The following CCSER2 variants were observed in gnomAD, a reference collection of about 807,000 sequenced individuals.
The protein encoded by CCSER2 is serine-rich coiled-coil domain-containing protein 2.
A neutral mutation model predicts 92.3 loss-of-function variants in CCSER2; 46 were observed. The observed-to-expected ratio is 0.50, with a 90% CI of 0.39 to 0.64. The LOEUF is 0.64. CCSER2 is among the 30% of genes least tolerant of loss of function. CCSER2 has a pLI of 0.00. For synonymous variants in CCSER2, 433 were observed against 431.4 expected (o/e 1.00, Z -0.04); for missense variants, 1,244 against 1,238.9 (o/e 1.00, Z -0.06).
At chr10:84,398,134 CT>C (rs1467896792) in intron 3 of CCSER2, among the ~76,000 whole-genome samples, 1 of 152,172 alleles carries the variant, frequency 6.6e-6, no homozygotes, top group Non-Finnish European at 1.5e-5. Context: ...TTCCTGGAGA[CT>C]CGAGGGAAGA....
At chr10:84,458,530 A>G (rs1845910270) in intron 6 of CCSER2, among the ~76,000 whole-genome samples, 1 of 152,054 alleles carries the variant, frequency 6.6e-6, no homozygotes, top group Non-Finnish European at 1.5e-5. Flanking sequence ...TTTCATGTAA[A>G]TTTTAGAAGC....
intron 1 of CCSER2, among the ~76,000 whole-genome samples, chr10:84,365,879 C>G (rs752546155): frequency 6.6e-6 from 1 of 152,040 alleles, no homozygotes; most frequent in Non-Finnish European, 1.5e-5. Flanking sequence ...GCAAAATGAC[C>G]CTAATATGTA....
intron 3 of CCSER2, among the ~76,000 whole-genome samples, chr10:84,403,831 G>A (rs929695726): frequency 2.6e-5 from 4 of 152,132 alleles, no homozygotes; most frequent in African/African-American, 9.7e-5. Context: ...AATTAAAATG[G>A]TTCAGCTGGA....
rs370261396 is a variant in CCSER2 at position 84,348,368 on chromosome 10, G to T, written c.-40+19560G>T. Among the ~76,000 whole-genome samples, 41 of 152,334 alleles carry T rather than the reference G, an allele frequency of 2.7e-4. 2 individuals carry two copies. In the East Asian group the frequency reaches 6.8e-3, roughly 25 times the overall value. ...TCGGCAGGCTGAGGCAGGAGAATCA[G>T]GCAGGGAGGTTGCAGTGAGCAGAGA... On this transcript the variant is annotated intron_variant, in intron 1 of 9. Transcript: ENST00000372088.
At chr10:84,409,309 A>AT (rs771008182) in intron 3 of CCSER2, among the ~76,000 whole-genome samples, 4,543 of 150,890 alleles carry the variant, frequency 0.03, 119 homozygotes, top group Non-Finnish European at 0.043. Flanking sequence ...TATTTAAAAA[A>AT]ATTTTTTTTT....
intron 8 of CCSER2, among the ~76,000 whole-genome samples, chr10:84,473,492 A>AATGCCTTAGT (rs1472293616): frequency 5.3e-5 from 8 of 152,212 alleles, no homozygotes; most frequent in African/African-American, 1.9e-4. Flanking sequence ...CTGTAAAGTG[A>AATGCCTTAGT]ATGCCTTAGT....
intron 5 of CCSER2, among the ~76,000 whole-genome samples, chr10:84,436,354 T>A (rs12415667): frequency 0.28 from 11,107 of 39,140 alleles, 745 homozygotes; most frequent in Admixed American, 0.38. Flanking sequence ...AAAAAAAAAA[T>A]GCCGGGCGCG....
At chr10:84,458,879 T>G (rs1209491513) in intron 6 of CCSER2, among the ~76,000 whole-genome samples, 1 of 152,188 alleles carries the variant, frequency 6.6e-6, no homozygotes, top group East Asian at 1.9e-4. Flanking sequence ...CCCTTGTCTT[T>G]TGGATTTTGC....
chr10:84,499,900 C>T (rs1219521430), intron 9 of CCSER2: 5 of 1,613,974 alleles, frequency 3.1e-6, no homozygotes, highest in Admixed American at 1.7e-5. Flanking sequence ...CCCTCCTTCT[C>T]TCCTTGGCAG....
Position 84,372,021 on chromosome 10 carries a change from G to A in CCSER2, c.969G>A (p.Leu323=). Residue 323 remains leucine (L), a synonymous_variant, in exon 2 of 10, where the codon CTG becomes CTA. Coordinates refer to ENST00000372088, the MANE Select transcript of CCSER2 (RefSeq NM_001284240.2). ...LGYRMVHPSL[L]KSSRSPFSGT... is the part of the protein sequence containing the mutation. Reference sequence around the variant, plus strand: ...ATAGAATGGTTCATCCCTCTCTACTGAAATCTAGCCGATCTCCATTTTCTG... The same window carrying A: ...ATAGAATGGTTCATCCCTCTCTACTAAAATCTAGCCGATCTCCATTTTCTG... 1 of 1,613,770 alleles carries A rather than the reference G, an allele frequency of 6.2e-7. No homozygotes were observed. Among genetic ancestry groups the A allele is most frequent in the East Asian group, 2.2e-5 (1 of 44,870 alleles).
At chr10:84,455,993 A>C in intron 6 of CCSER2, 1 of 569,678 alleles carries the variant, frequency 1.8e-6, no homozygotes, top group East Asian at 4.0e-5. Context: ...CTCCTTTCCT[A>C]GTAGCCTTCT....
chr10:84,385,646 A>G (rs1191648969), intron 3 of CCSER2, among the ~76,000 whole-genome samples: 1 of 152,214 alleles, frequency 6.6e-6, no homozygotes. Context: ...AACTATAAAA[A>G]TCCGTGAAGA....
At chr10:84,375,623 C>T (rs917991802) in intron 3 of CCSER2, among the ~76,000 whole-genome samples, 2 of 149,104 alleles carry the variant, frequency 1.3e-5, no homozygotes, top group Non-Finnish European at 3.0e-5. Flanking sequence ...TTTCACACTC[C>T]TTTTTTTCCA....
chr10:84,425,472 CAG>C (rs1267394700), intron 4 of CCSER2, among the ~76,000 whole-genome samples: 5 of 152,080 alleles, frequency 3.3e-5, no homozygotes, highest in African/African-American at 1.2e-4. Flanking sequence ...TGTTTTAAAA[CAG>C]TGTGGCAGTT....
At chr10:84,384,462 A>T (rs1841079025) in intron 3 of CCSER2, among the ~76,000 whole-genome samples, 1 of 152,224 alleles carries the variant, frequency 6.6e-6, no homozygotes, top group Admixed American at 6.5e-5. Flanking sequence ...GAATGCAAAG[A>T]TGTTTCAGCA....
Position 84,515,685 on chromosome 10 carries a change from C to G in CCSER2, c.*1418C>G, listed in dbSNP as rs1215688917. The G allele has an allele frequency of 6.6e-6, 1 of 152,038 alleles. No individual in the cohort carries two copies. The highest frequency in any genetic ancestry group is 1.5e-5 in the Non-Finnish European group (1 of 68,022). The allele number at this position is 152,038 out of a possible 1,614,324, so 9.4% of individuals were successfully genotyped here. Reference sequence around the variant, plus strand: ...TCTCGAACTCCTGACCTCAAGTGATCCACCCACCTCGTCTATGGTGTATTT... The same window carrying G: ...TCTCGAACTCCTGACCTCAAGTGATGCACCCACCTCGTCTATGGTGTATTT... On this transcript the variant is annotated 3_prime_UTR_variant, in exon 10 of 10. Transcript: ENST00000372088.
chr10:84,455,725 C>G, intron 6 of CCSER2: 2 of 860,030 alleles, frequency 2.3e-6, no homozygotes, highest in Admixed American at 1.7e-5. Flanking sequence ...CAAATGACCT[C>G]TCTGTAAAAT....
chr10:84,467,472 A>ATG (rs765626415), intron 7 of CCSER2, among the ~76,000 whole-genome samples: 179 of 150,832 alleles, frequency 1.2e-3, no homozygotes, highest in East Asian at 0.01. Flanking sequence ...ATGTGTGTGT[A>ATG]TGTGTGTGTG....
chr10:84,434,305 T>G (rs1056793589), intron 5 of CCSER2, among the ~76,000 whole-genome samples: 1 of 152,196 alleles, frequency 6.6e-6, no homozygotes, highest in Non-Finnish European at 1.5e-5. Context: ...ATCTTCATTA[T>G]CTTTCTGTCC....
Sources: allele counts gnomAD v4.1 joint callset (sites outside exome capture counted in the v4.1 genomes callset), GRCh38; gene constraint gnomAD v4.1.1; transcripts MANE v1.5; gene names NCBI Gene and HGNC (gene_info 2026-07-23, HGNC 2026-07-21).